DLGAP2: variants seen among roughly 807,000 people sequenced by gnomAD.
The protein encoded by DLGAP2 is DLG associated protein 2.
Under a neutral mutation model 100.3 loss-of-function variants are expected in DLGAP2, and 26 were observed. The ratio of observed to expected loss-of-function variants is 0.26; its 90% CI spans 0.19 to 0.36. The LOEUF (loss-of-function observed/expected upper bound fraction) is 0.36. Among genes scored for constraint, DLGAP2 ranks in the 10% least tolerant of loss-of-function variants. The pLI, the probability that DLGAP2 is intolerant of heterozygous loss-of-function variation, is 1.00. For missense variants in DLGAP2, 1,858 were observed against 1,453.2 expected, an observed-to-expected ratio of 1.28 and a Z score of -4.53; for synonymous variants, 886 against 630.1, an observed-to-expected ratio of 1.41 and a Z score of -6.08.
intron 3 of DLGAP2, among the ~76,000 whole-genome samples, chr8:1,477,289 C>T (rs1798962608): frequency 6.6e-6 from 1 of 152,174 alleles, no homozygotes; most frequent in East Asian, 1.9e-4. Context: ...ACACAGGGTA[C>T]TGGACAGACA....
At chr8:1,412,081 C>G (rs867073489) in intron 3 of DLGAP2, among the ~76,000 whole-genome samples, 1 of 152,256 alleles carries the variant, frequency 6.6e-6, no homozygotes, top group African/African-American at 2.4e-5. Context: ...TGCCCTTTCT[C>G]CATTCCTGCC....
At chr8:1,093,982 C>A (rs1053435252) in intron 2 of DLGAP2, among the ~76,000 whole-genome samples, 1 of 110,178 alleles carries the variant, frequency 9.1e-6, no homozygotes, top group African/African-American at 3.3e-5. Flanking sequence ...TGCAGGCGCT[C>A]GTGGATGGAG....
At position 847,226 on chromosome 8, in the gene DLGAP2, A is replaced by T. The variant is rs117250358; in HGVS notation, c.19-60686A>T. On this transcript the variant is annotated intron_variant, in intron 1 of 14. Coordinates refer to ENST00000637795, the MANE Select transcript of DLGAP2 (RefSeq NM_001346810.2). ...ATTCAGGAAAATGTTGTTTTTTCTG[A>T]ACTTTTCCATATTATCTTAGTTTTC... Among the ~76,000 whole-genome samples, 43 of 152,268 alleles carry T rather than the reference A, an allele frequency of 2.8e-4. No individual in the cohort carries two copies. In the East Asian group the frequency reaches 7.0e-3, roughly 25 times the overall value.
At chr8:1,477,919 C>A (rs73536518) in intron 3 of DLGAP2, among the ~76,000 whole-genome samples, 6,035 of 152,158 alleles carry the variant, frequency 0.04, 370 homozygotes, top group African/African-American at 0.13. Flanking sequence ...AGGCAGAGCA[C>A]CTGTCAGTCT....
intron 1 of DLGAP2, among the ~76,000 whole-genome samples, chr8:813,243 G>C (rs1796404205): frequency 6.6e-6 from 1 of 150,724 alleles, no homozygotes; most frequent in Admixed American, 6.6e-5. Flanking sequence ...TATCCTAGTG[G>C]TTTATATTTC....
intron 3 of DLGAP2, among the ~76,000 whole-genome samples, chr8:1,425,307 A>C (rs897046606): frequency 6.6e-6 from 1 of 152,192 alleles, no homozygotes; most frequent in African/African-American, 2.4e-5. Flanking sequence ...TGGGGGGTTC[A>C]TAAAAGCATG....
intron 1 of DLGAP2, among the ~76,000 whole-genome samples, chr8:848,874 T>TCTGTTCCAGAATAGGAACGCGTGGTGC (rs1563061826): frequency 4.1e-4 from 53 of 129,780 alleles, no homozygotes; most frequent in Non-Finnish European, 7.3e-4. Context: ...TCGCGCGGTG[T>TCTGTTCCAGAATAGGAACGCGTGGTGC]CTGTTCCAGC....
At chr8:1,066,574 G>A (rs1184666959) in intron 2 of DLGAP2, among the ~76,000 whole-genome samples, 4 of 149,478 alleles carry the variant, frequency 2.7e-5, no homozygotes, top group Admixed American at 1.3e-4. Flanking sequence ...TCTGAGTGAG[G>A]GCAGCTCCCC....
At chr8:934,527 T>A (rs1021653574) in intron 2 of DLGAP2, among the ~76,000 whole-genome samples, 1 of 152,146 alleles carries the variant, frequency 6.6e-6, no homozygotes, top group South Asian at 2.1e-4. Flanking sequence ...CATCCCTACT[T>A]GGGGTGGCTC....
intron 6 of DLGAP2, among the ~76,000 whole-genome samples, chr8:1,595,468 C>A (rs2130686257): frequency 6.6e-6 from 1 of 150,944 alleles, no homozygotes; most frequent in East Asian, 2.0e-4. Flanking sequence ...TCGAGACCAT[C>A]CTGGCTAACA....
chr8:998,772 C>T lies in DLGAP2; in HGVS notation c.73+90806C>T, dbSNP rs534524847. ...TTCTTTTAAATGTTTGGCTCATACC[C>T]TTTCTTTCCTTGGAGCTTGAATATA... On this transcript the variant is annotated intron_variant, in intron 2 of 14. Coordinates refer to ENST00000637795, the MANE Select transcript of DLGAP2 (RefSeq NM_001346810.2). 8.3e-4 allele frequency among the ~76,000 whole-genome samples: 126 copies of T among 152,312 alleles called. 2 individuals carry two copies. The highest frequency in any genetic ancestry group is 7.1e-3 in the South Asian group (34 of 4,820).
intron 2 of DLGAP2, among the ~76,000 whole-genome samples, chr8:949,021 C>T (rs894943392): frequency 3.3e-5 from 5 of 150,474 alleles, no homozygotes; most frequent in Admixed American, 2.0e-4. Flanking sequence ...GGGGTGGCTG[C>T]CGCCATCTTG....
chr8:1,409,005 C>T (rs1044887221), intron 3 of DLGAP2, among the ~76,000 whole-genome samples: 1 of 152,226 alleles, frequency 6.6e-6, no homozygotes, highest in African/African-American at 2.4e-5. Context: ...ATAAATCCAC[C>T]TATGAAAAAG....
At chr8:1,307,502 G>A (rs1406290015) in intron 3 of DLGAP2, among the ~76,000 whole-genome samples, 1 of 152,164 alleles carries the variant, frequency 6.6e-6, no homozygotes, top group African/African-American at 2.4e-5. Context: ...CTATGCCCCA[G>A]AAATTTCACT....
intron 3 of DLGAP2, among the ~76,000 whole-genome samples, chr8:1,442,805 C>A (rs1012482722): frequency 3.3e-5 from 5 of 149,370 alleles, no homozygotes; most frequent in African/African-American, 1.3e-4. Context: ...GGTTCAGCCA[C>A]TGGGGGAGAC....
At chr8:1,133,610 C>T (rs1796342832) in intron 2 of DLGAP2, among the ~76,000 whole-genome samples, 1 of 152,074 alleles carries the variant, frequency 6.6e-6, no homozygotes, top group Non-Finnish European at 1.5e-5. Context: ...ACTTTGCTCA[C>T]CAAGTCAAAA....
Position 1,376,717 on chromosome 8 carries a change from A to C in DLGAP2, c.106+117834A>C, listed in dbSNP as rs112592236. ...GGGGACAGGGCTACCGAGACCCTCA[A>C]CCTGAGCCCGGTGGGATGTGTGGTC... is the stretch of plus-strand genomic sequence containing the variant. On this transcript the variant is annotated intron_variant, in intron 3 of 14. Coordinates refer to ENST00000637795, the MANE Select transcript of DLGAP2 (RefSeq NM_001346810.2). 3.3e-4 allele frequency among the ~76,000 whole-genome samples: 18 copies of C among 55,304 alleles called. 1 individual carries two copies. In the East Asian group the frequency reaches 0.014, roughly 42 times the overall value. 36.3% of individuals were successfully genotyped at this position (55,304 alleles called of 152,430 possible).
At chr8:1,424,077 G>T (rs1348595954) in intron 3 of DLGAP2, among the ~76,000 whole-genome samples, 1 of 152,220 alleles carries the variant, frequency 6.6e-6, no homozygotes, top group Non-Finnish European at 1.5e-5. Context: ...ACTCTCCCAT[G>T]GCACTCAGAG....
At chr8:904,975 G>A (rs568211254) in intron 1 of DLGAP2, among the ~76,000 whole-genome samples, 9 of 152,346 alleles carry the variant, frequency 5.9e-5, no homozygotes, top group South Asian at 2.1e-4. Context: ...GGCAAGCGAC[G>A]TGTGCTCAGC....
Sources: gnomAD v4.1 joint callset for allele counts (sites outside exome capture counted in the v4.1 genomes callset) on GRCh38, gnomAD v4.1.1 for gene constraint, MANE v1.5 for transcripts, NCBI Gene and HGNC (gene_info 2026-07-23, HGNC 2026-07-21) for gene names.